Variants in KIF13B observed in about 807,000 individuals in gnomAD.
KIF13B encodes kinesin-like protein KIF13B.
In KIF13B, 127 loss-of-function variants were observed where a neutral mutation model predicts 222.0. The ratio of observed to expected loss-of-function variants is 0.57; its 90% CI spans 0.50 to 0.66. The LOEUF (loss-of-function observed/expected upper bound fraction) is 0.66. Ranked by LOEUF, KIF13B falls within the 30% of genes least tolerant of loss-of-function variation. The probability of loss-of-function intolerance (pLI) is 0.00; values close to 1 mark genes in which losing one functional copy is unlikely to be tolerated. For synonymous variants in KIF13B, 976 were observed against 919.0 expected (o/e 1.06, Z -1.12); for missense variants, 2,173 against 2,379.0 (o/e 0.91, Z 1.80).
At chr8:29,193,981 C>A (rs1586908494) in intron 3 of KIF13B, among the ~76,000 whole-genome samples, 1 of 134,056 alleles carries the variant, frequency 7.5e-6, no homozygotes, top group African/African-American at 2.8e-5. Flanking sequence ...CCACGCCTGG[C>A]TTTTTTTTTT....
In KIF13B at chr8:29,099,261, C is replaced by A; in HGVS notation, c.4216-20G>T. The A allele has an allele frequency of 1.3e-6, 2 of 1,541,382 alleles. No homozygotes were observed. The highest frequency in any genetic ancestry group is 1.8e-6 in the Non-Finnish European group (2 of 1,136,148). On this transcript the variant is annotated intron_variant, in intron 35 of 39. Coordinates refer to ENST00000524189, the MANE Select transcript of KIF13B (RefSeq NM_015254.4). ...CCGGCCCTAGTAAAGACAAAATTGG[C>A]AATTTTGTTTCAAGTTATTCAATTA...
At position 29,237,983 on chromosome 8, in the gene KIF13B, G is replaced by T. The variant is rs188150689; in HGVS notation, c.149+7363C>A. On this transcript the variant is annotated intron_variant, in intron 2 of 39. Coordinates refer to ENST00000524189, the MANE Select transcript of KIF13B (RefSeq NM_015254.4). ...TTAGCAGGACGGGCTCCCTGAGGAA[G>T]AGCCCCATTATGAAATTAAAACATA... 7.0e-4 allele frequency among the ~76,000 whole-genome samples: 107 copies of T among 152,298 alleles called. 2 individuals carry two copies. The South Asian group carries it at 0.014, about 20-fold the overall frequency.
In KIF13B at chr8:29,147,610, C is replaced by T. The variant is rs780397574; in HGVS notation, c.1814-8G>A. 47 of 1,596,916 alleles carry T rather than the reference C, an allele frequency of 2.9e-5. No homozygotes were observed. Among genetic ancestry groups the T allele is most frequent in the African/African-American group, 5.4e-5 (4 of 74,658 alleles). On this transcript the variant is annotated splice_region_variant and splice_polypyrimidine_tract_variant and intron_variant, in intron 16 of 39. Transcript: ENST00000524189. ...ATATGGACTGCATCGGATCTAAACA[C>T]ATTTTTAAAAAAGATACATGATCGA...
In KIF13B at chr8:29,123,499, C is replaced by T. The variant is rs1809970189; in HGVS notation, c.3353-7G>A. On this transcript the variant is annotated splice_polypyrimidine_tract_variant and splice_region_variant and intron_variant, in intron 27 of 39. Transcript: ENST00000524189. ...GCATCATCCTCTGTTTTATCTAGAA[C>T]ATCGAGAATGAGGATTCAATGACAA... The T allele has an allele frequency of 3.1e-6, 5 of 1,613,652 alleles. No homozygotes were observed. The highest frequency in any genetic ancestry group is 1.6e-4 in the Middle Eastern group (1 of 6,082).
At chr8:29,139,727 CATT>C (rs1810722370) in intron 21 of KIF13B, among the ~76,000 whole-genome samples, 2 of 152,176 alleles carry the variant, frequency 1.3e-5, no homozygotes, top group South Asian at 4.1e-4. Flanking sequence ...CTCACTTGTA[CATT>C]GCACCTGCGC....
chr8:29,222,632 T>C (rs1814811514), intron 2 of KIF13B, among the ~76,000 whole-genome samples: 1 of 150,018 alleles, frequency 6.7e-6, no homozygotes, highest in Non-Finnish European at 1.5e-5. Context: ...AAGAATGAAT[T>C]AGATTTCCTG....
chr8:29,125,062 C>T (rs1339756887), intron 26 of KIF13B, among the ~76,000 whole-genome samples: 1 of 152,010 alleles, frequency 6.6e-6, no homozygotes, highest in East Asian at 1.9e-4. Flanking sequence ...AAAAACAAAA[C>T]AAACAAAAAA....
intron 2 of KIF13B, among the ~76,000 whole-genome samples, chr8:29,231,763 A>T (rs1246145026): frequency 7.3e-6 from 1 of 137,478 alleles, no homozygotes; most frequent in Non-Finnish European, 1.7e-5. Context: ...TATATCCTCT[A>T]AAAAAAAAAG....
chr8:29,187,236 T>C (rs1812975138), intron 5 of KIF13B, among the ~76,000 whole-genome samples: 1 of 152,030 alleles, frequency 6.6e-6, no homozygotes. Context: ...TTATATAAAA[T>C]TATTTTCTCG....
intron 3 of KIF13B, among the ~76,000 whole-genome samples, chr8:29,193,630 G>C (rs545779847): frequency 4.8e-4 from 73 of 152,196 alleles, no homozygotes; most frequent in Admixed American, 1.5e-3. Context: ...ATCCTGAGTG[G>C]GACTGCTTCC....
chr8:29,156,253 G>A lies in KIF13B; in HGVS notation c.1405-397C>T, dbSNP rs539091319. Among the ~76,000 whole-genome samples the A allele has an allele frequency of 5.9e-5, 9 of 152,268 alleles. No individual in the cohort carries two copies. In the South Asian group the frequency reaches 6.2e-4, roughly 11 times the overall value. The stretch of plus-strand genomic sequence containing the variant: ...CTCAAAGTGCTGGGATTACAGGTGT[G>A]AGTCACCATGCCTGGCCTAAAAGAT... On this transcript the variant is annotated intron_variant, in intron 13 of 39. Coordinates refer to ENST00000524189, the MANE Select transcript of KIF13B (RefSeq NM_015254.4).
At position 29,113,566 on chromosome 8, in the gene KIF13B, A is replaced by C. The variant is rs1422337620; in HGVS notation, c.3838-11T>G. 1 of 1,505,450 alleles carries C rather than the reference A, an allele frequency of 6.6e-7. No individual in the cohort carries two copies. The highest frequency in any genetic ancestry group is 9.1e-7 in the Non-Finnish European group (1 of 1,099,594). 93.3% of individuals were successfully genotyped at this position (1,505,450 alleles called of 1,614,324 possible). On this transcript the variant is annotated splice_polypyrimidine_tract_variant and intron_variant, in intron 31 of 39. Transcript: ENST00000524189. ...ACTCTGTGCAAAACCCTAGAGAAAA[A>C]CAAAATAGAAGATATGGTTTCCCAC...
chr8:29,119,101 C>G, intron 29 of KIF13B, 109 bp from the exon 30 acceptor site: 1 of 1,193,740 alleles, frequency 8.4e-7, no homozygotes, highest in Non-Finnish European at 1.2e-6. Context: ...ATTTCATTTG[C>G]TTTTTGCTCT....
At position 29,140,479 on chromosome 8, in the gene KIF13B, G is replaced by C; in HGVS notation, c.2473C>G (p.Gln825Glu). Residue 825 changes from glutamine to glutamate, a missense_variant, in exon 20 of 40, where the codon CAG (glutamine) becomes GAG (glutamate). Gln to Glu is a conservative substitution (Grantham distance 29, BLOSUM62 2). Transcript: ENST00000524189. ...AAGAGAAAACCAACCTCTCCTTTCT[G>C]GTTGATGATGGGAACAGCGTATTGT... ...KLQYAVPIIN[Q>E]KGEVAGRLHV... 1 of 1,613,448 alleles carries C rather than the reference G, an allele frequency of 6.2e-7. No homozygotes were observed. Among genetic ancestry groups the C allele is most frequent in the Non-Finnish European group, 8.5e-7 (1 of 1,179,640 alleles).
rs113367087 is a variant in KIF13B, at chr8:29,149,325, CT to C, written c.1623-559del. 3.2e-3 allele frequency among the ~76,000 whole-genome samples: 492 copies of C among 152,312 alleles called. 2 individuals carry two copies. The highest frequency in any genetic ancestry group is 0.011 in the African/African-American group (439 of 41,568). ...TCCATGCTCTTTGTGCCCATCTACC[CT>C]TTTCTCAGTAACCAAAATATCACTG... On this transcript the variant is annotated intron_variant, in intron 15 of 39. Coordinates refer to ENST00000524189, the MANE Select transcript of KIF13B (RefSeq NM_015254.4).
chr8:29,073,063 G>A (rs867112605), intron 38 of KIF13B, among the ~76,000 whole-genome samples: 13 of 146,640 alleles, frequency 8.9e-5, no homozygotes, highest in Middle Eastern at 6.8e-3. Flanking sequence ...AAGGCAGCAG[G>A]GGGACGAGGA....
intron 4 of KIF13B, chr8:29,189,428 G>T (rs1326342894): frequency 6.6e-6 from 1 of 151,924 alleles, no homozygotes; most frequent in African/African-American, 2.4e-5. Flanking sequence ...ATATTTAAAA[G>T]AGATTGTTTA....
At chr8:29,079,380 C>T (rs1386396913) in intron 37 of KIF13B, among the ~76,000 whole-genome samples, 1 of 152,240 alleles carries the variant, frequency 6.6e-6, no homozygotes, top group Non-Finnish European at 1.5e-5. Context: ...CATCACCCTG[C>T]ACTGTCTCTT....
chr8:29,083,168 T>G (rs941021316), intron 37 of KIF13B, among the ~76,000 whole-genome samples: 1 of 152,028 alleles, frequency 6.6e-6, no homozygotes, highest in Non-Finnish European at 1.5e-5. Flanking sequence ...CAGCTTAATA[T>G]GCGCTAAGAA....
Sources: allele counts gnomAD v4.1 joint callset (sites outside exome capture counted in the v4.1 genomes callset), GRCh38; gene constraint gnomAD v4.1.1; transcripts MANE v1.5; gene names NCBI Gene and HGNC (gene_info 2026-07-23, HGNC 2026-07-21).